Variants in RASA1 observed in about 807,000 individuals in gnomAD.
RASA1 encodes the protein ras GTPase-activating protein 1.
A neutral mutation model predicts 132.2 loss-of-function variants in RASA1; 25 were observed. The observed-to-expected ratio is 0.19, with a 90% confidence interval of 0.14 to 0.26. The LOEUF (loss-of-function observed/expected upper bound fraction) is 0.26, where lower values mean the gene tolerates loss of function less well. RASA1 is among the 10% of genes least tolerant of loss of function. The pLI, the probability that RASA1 is intolerant of heterozygous loss-of-function variation, is 1.00. For synonymous variants in RASA1, 477 were observed against 449.9 expected (o/e 1.06, Z -0.76); for missense variants, 964 against 1,299.2 (o/e 0.74, Z 3.97).
chr5:87,338,216 C>G, intron 5 of RASA1, 125 bp downstream of exon 5: 5 of 1,452,538 alleles, frequency 3.4e-6, no homozygotes, highest in East Asian at 2.4e-5. Flanking sequence ...TTGATAAGTA[C>G]AAGAATTATA....
chr5:87,378,633 A>C, intron 18 of RASA1, 95 bp downstream of exon 18: 1 of 1,296,320 alleles, frequency 7.7e-7, no homozygotes, highest in South Asian at 1.3e-5. Flanking sequence ...AAATATATTA[A>C]ATTTCTAAAA....
At chr5:87,278,909 C>CTTTTTTTTTTT (rs58122450) in intron 1 of RASA1, among the ~76,000 whole-genome samples, 28 of 83,982 alleles carry the variant, frequency 3.3e-4, no homozygotes, top group Admixed American at 7.3e-4. Flanking sequence ...CTAATTTGTT[C>CTTTTTTTTTTT]TTTTTTTTTT....
intron 24 of RASA1, among the ~76,000 whole-genome samples, chr5:87,390,536 T>C (rs1431927545): frequency 6.6e-6 from 1 of 152,044 alleles, no homozygotes; most frequent in African/African-American, 2.4e-5. Context: ...CAACATGTGA[T>C]AGTGTGATAG....
Position 87,369,808 on chromosome 5 carries a change from TA to T in RASA1, c.1611-2del, listed in dbSNP as rs973746295. On this transcript the variant is annotated splice_polypyrimidine_tract_variant and splice_region_variant and intron_variant, in intron 11 of 24. Coordinates refer to ENST00000274376, the MANE Select transcript of RASA1 (RefSeq NM_002890.3). The stretch of plus-strand genomic sequence containing the variant: ...TTCCTAATAATTTTTGTTTTTATTT[TA>T]AAGGCCAAACTGTTTTCAGATAGTA... 11 of 1,608,122 alleles carry T rather than the reference TA, an allele frequency of 6.8e-6. No homozygotes were observed. The highest frequency in any genetic ancestry group is 9.4e-6 in the Non-Finnish European group (11 of 1,176,030).
At chr5:87,274,722 G>C (rs946891540) in intron 1 of RASA1, among the ~76,000 whole-genome samples, 3 of 152,064 alleles carry the variant, frequency 2.0e-5, no homozygotes, top group Non-Finnish European at 4.4e-5. Flanking sequence ...AAAGAAATTT[G>C]TGTAATTAGG....
chr5:87,335,384 T>C (rs967405783), intron 4 of RASA1, among the ~76,000 whole-genome samples: 3 of 152,074 alleles, frequency 2.0e-5, no homozygotes, highest in African/African-American at 4.8e-5. Context: ...ATAATGACTT[T>C]TCTGATGAGA....
Position 87,383,729 on chromosome 5 carries a change from C to T in RASA1, c.2707C>T (p.Arg903Ter), listed in dbSNP as rs1554050230. Residue 903 changes from arginine to a stop codon, truncating the protein, a stop_gained, in exon 21 of 25, where the codon CGA (arginine) becomes TGA (stop). Coordinates refer to ENST00000274376, the MANE Select transcript of RASA1 (RefSeq NM_002890.3). LOFTEE classifies it high-confidence loss of function. ...TRVVSGFVFL[R>*]LICPAILNPR... Reference sequence around the variant, plus strand: ...CCCATTCAGTGGTTTTGTTTTTCTTCGACTCATCTGTCCTGCCATCCTGAA... The same window carrying T: ...CCCATTCAGTGGTTTTGTTTTTCTTTGACTCATCTGTCCTGCCATCCTGAA... 6.2e-7 allele frequency: 1 copy of T among 1,605,452 alleles called. No individual in the cohort carries two copies. Among genetic ancestry groups the T allele is most frequent in the Non-Finnish European group, 8.5e-7 (1 of 1,177,054 alleles).
In RASA1 at chr5:87,268,567, C is replaced by A. The variant is rs760851896; in HGVS notation, c.116C>A (p.Pro39His). Residue 39 changes from proline (P) to histidine (H), a missense_variant, in exon 1 of 25, where the codon CCC becomes CAC. By Grantham distance (77) the Pro-to-His change is moderately conservative. Transcript: ENST00000274376. ...CCCGCAGTGTGTCGGGTGAAGATACCCGCGGCCCTGCCTGTGGCAGCCGCC... is the reference window on the plus strand; with the variant it reads ...CCCGCAGTGTGTCGGGTGAAGATACACGCGGCCCTGCCTGTGGCAGCCGCC... ...AYPAVCRVKI[P>H]AALPVAAAPY... 1 of 1,607,032 alleles carries A rather than the reference C, an allele frequency of 6.2e-7. No homozygotes were observed. The highest frequency in any genetic ancestry group is 8.5e-7 in the Non-Finnish European group (1 of 1,177,814).
At chr5:87,306,008 C>T (rs1323919384) in intron 1 of RASA1, among the ~76,000 whole-genome samples, 2 of 152,158 alleles carry the variant, frequency 1.3e-5, no homozygotes, top group Non-Finnish European at 2.9e-5. Flanking sequence ...AATGCTTATA[C>T]GCAGTTGGTG....
intron 1 of RASA1, among the ~76,000 whole-genome samples, chr5:87,274,566 A>C (rs1753986967): frequency 6.6e-6 from 1 of 152,164 alleles, no homozygotes; most frequent in South Asian, 2.1e-4. Flanking sequence ...CAAGGGTTGC[A>C]AGAGTAAAAT....
At chr5:87,283,970 G>C (rs565967051) in intron 1 of RASA1, among the ~76,000 whole-genome samples, 1 of 152,206 alleles carries the variant, frequency 6.6e-6, no homozygotes, top group South Asian at 2.1e-4. Context: ...AATGAGCTTT[G>C]ATACTTCTGT....
At chr5:87,316,802 G>C (rs959707300) in intron 1 of RASA1, among the ~76,000 whole-genome samples, 2 of 152,120 alleles carry the variant, frequency 1.3e-5, no homozygotes, top group Non-Finnish European at 2.9e-5. Flanking sequence ...GAGAAAAAGA[G>C]CTTTGGAAAT....
chr5:87,311,776 C>T (rs939213911), intron 1 of RASA1, among the ~76,000 whole-genome samples: 3 of 152,156 alleles, frequency 2.0e-5, no homozygotes, highest in Admixed American at 2.0e-4. Flanking sequence ...TGTTTGACTC[C>T]AGAGGTCAGA....
chr5:87,343,982 A>G (rs576484645), intron 6 of RASA1, among the ~76,000 whole-genome samples: 3 of 152,280 alleles, frequency 2.0e-5, no homozygotes, highest in East Asian at 1.9e-4. Flanking sequence ...GACAAATACC[A>G]TGTGTTCTCA....
intron 1 of RASA1, among the ~76,000 whole-genome samples, chr5:87,312,474 G>C (rs1033410061): frequency 1.3e-5 from 2 of 152,078 alleles, no homozygotes; most frequent in African/African-American, 2.4e-5. Flanking sequence ...AAGATTTTCT[G>C]AGTTCTAATT....
At chr5:87,350,483 GATAAA>G (rs1759182942) in intron 8 of RASA1, among the ~76,000 whole-genome samples, 1 of 151,716 alleles carries the variant, frequency 6.6e-6, no homozygotes, top group African/African-American at 2.4e-5. Context: ...CCTTTTTAAA[GATAAA>G]ATAATTTACA....
At chr5:87,358,901 A>C (rs1040497560) in intron 9 of RASA1, among the ~76,000 whole-genome samples, 1 of 151,996 alleles carries the variant, frequency 6.6e-6, no homozygotes, top group Admixed American at 6.6e-5. Context: ...CACTAGCCTC[A>C]CTCTTACATC....
chr5:87,324,952 T>A (rs1336829205), intron 1 of RASA1, among the ~76,000 whole-genome samples: 2 of 152,204 alleles, frequency 1.3e-5, no homozygotes, highest in Non-Finnish European at 2.9e-5. Context: ...TTTTTTAATT[T>A]TTTTATTTTT....
chr5:87,275,592 C>T (rs976845076), intron 1 of RASA1, among the ~76,000 whole-genome samples: 1 of 151,210 alleles, frequency 6.6e-6, no homozygotes, highest in Admixed American at 6.6e-5. Flanking sequence ...TTTTTTCCCC[C>T]CTGAGATGGA....
Sources: gnomAD v4.1 joint callset for allele counts (sites outside exome capture counted in the v4.1 genomes callset) on GRCh38, gnomAD v4.1.1 for gene constraint, MANE v1.5 for transcripts, NCBI Gene and HGNC (gene_info 2026-07-23, HGNC 2026-07-21) for gene names.